RABEPK: variants seen among roughly 807,000 people sequenced by gnomAD.
RABEPK encodes the protein 40 kDa Rab9 effector protein.
A neutral mutation model predicts 34.1 loss-of-function variants in RABEPK; 27 were observed. The ratio of observed to expected loss-of-function variants is 0.79; its 90% CI spans 0.58 to 1.09. RABEPK has a LOEUF of 1.09. Ranked by LOEUF, RABEPK falls within the 50% of genes least tolerant of loss-of-function variation. The pLI, the probability that RABEPK is intolerant of heterozygous loss-of-function variation, is 0.00. For synonymous variants in RABEPK, 172 were observed against 169.2 expected, an observed-to-expected ratio of 1.02 and a Z score of -0.13; for missense variants, 449 against 462.6, an observed-to-expected ratio of 0.97 and a Z score of 0.27.
intron 5 of RABEPK, among the ~76,000 whole-genome samples, chr9:125,227,299 A>G (rs973687336): frequency 2.6e-5 from 4 of 152,328 alleles, no homozygotes; most frequent in Admixed American, 1.3e-4. Context: ...TTTGAAGCTA[A>G]AGAGGAGATC....
At chr9:125,203,937 C>T (rs546643099) in intron 2 of RABEPK, among the ~76,000 whole-genome samples, 5 of 148,918 alleles carry the variant, frequency 3.4e-5, no homozygotes, top group Non-Finnish European at 5.9e-5. Context: ...GAGGCTAAGA[C>T]AGGAGAATTG....
chr9:125,205,410 A>T (rs1421881148), intron 2 of RABEPK, among the ~76,000 whole-genome samples: 3 of 152,174 alleles, frequency 2.0e-5, no homozygotes, highest in African/African-American at 7.2e-5. Context: ...TGCTTTTGGT[A>T]AATTACTTAA....
At position 125,231,772 on chromosome 9, in the gene RABEPK, G is replaced by GA. The variant is rs574317982; in HGVS notation, c.677-815dup. The stretch of plus-strand genomic sequence containing the variant: ...GCACTCCAGGCTGGGCAACAGAGCG[G>GA]AAAAAAAAAGAATAAGAAAGGGGAT... On this transcript the variant is annotated intron_variant, in intron 6 of 7. Coordinates refer to ENST00000373538, the MANE Select transcript of RABEPK (RefSeq NM_005833.4). Among the ~76,000 whole-genome samples the GA allele has an allele frequency of 6.4e-4, 96 of 148,872 alleles. 1 individual carries two copies. In the South Asian group the frequency reaches 0.017, roughly 26 times the overall value.
chr9:125,201,780 A>AT (rs894110893), intron 1 of RABEPK, among the ~76,000 whole-genome samples: 10 of 151,170 alleles, frequency 6.6e-5, no homozygotes, highest in East Asian at 2.0e-4. Context: ...CGCCCAGCTA[A>AT]TTTTTTTTGT....
At chr9:125,203,309 C>T (rs1191841626) in intron 2 of RABEPK, among the ~76,000 whole-genome samples, 1 of 152,208 alleles carries the variant, frequency 6.6e-6, no homozygotes, top group African/African-American at 2.4e-5. Context: ...CACTGACCAT[C>T]TGGCATCCTC....
chr9:125,222,308 AC>A (rs537946701), intron 5 of RABEPK: 88 of 152,270 alleles, frequency 5.8e-4, no homozygotes, highest in African/African-American at 1.8e-3. Flanking sequence ...AAGAAAAAAA[AC>A]ATATGTATGT....
chr9:125,213,139 C>G (rs762961916), intron 3 of RABEPK, among the ~76,000 whole-genome samples: 135 of 152,258 alleles, frequency 8.9e-4, no homozygotes, highest in Non-Finnish European at 1.5e-3. Flanking sequence ...GGGATCTATC[C>G]TTGTGGTTGA....
intron 4 of RABEPK, among the ~76,000 whole-genome samples, chr9:125,214,037 G>A (rs201612449): frequency 1.3e-5 from 2 of 152,048 alleles, no homozygotes; most frequent in East Asian, 3.9e-4. Flanking sequence ...CAGGAGAATC[G>A]CTTGAACCCG....
intron 2 of RABEPK, among the ~76,000 whole-genome samples, chr9:125,205,683 T>C (rs1458137791): frequency 6.6e-6 from 1 of 152,000 alleles, no homozygotes; most frequent in African/African-American, 2.4e-5. Context: ...AGAGACGGGG[T>C]TTCATCATGT....
chr9:125,225,953 ACT>A (rs1196168855), intron 5 of RABEPK, among the ~76,000 whole-genome samples: 1 of 143,482 alleles, frequency 7.0e-6, no homozygotes, highest in Admixed American at 7.3e-5. Context: ...ACAGAGGAAG[ACT>A]CTGTTTCAAA....
chr9:125,218,905 A>AT (rs1056042122), intron 4 of RABEPK, among the ~76,000 whole-genome samples: 4 of 151,590 alleles, frequency 2.6e-5, no homozygotes, highest in African/African-American at 9.7e-5. Flanking sequence ...TTTTTTTTGT[A>AT]TTTTTTTGTA....
At chr9:125,211,598 T>C (rs1830593960) in intron 3 of RABEPK, among the ~76,000 whole-genome samples, 1 of 152,194 alleles carries the variant, frequency 6.6e-6, no homozygotes, top group Non-Finnish European at 1.5e-5. Context: ...AGCTGCCACC[T>C]ATCAAGAGGG....
intron 3 of RABEPK, 114 bp from the exon 4 acceptor site, chr9:125,213,256 A>T (rs888127126): frequency 3.1e-5 from 34 of 1,086,532 alleles, no homozygotes; most frequent in African/African-American, 4.8e-5. Context: ...CCTTTAAGTG[A>T]TTCAGTGGTT....
At chr9:125,228,882 G>T (rs1191766631) in intron 6 of RABEPK, among the ~76,000 whole-genome samples, 1 of 151,600 alleles carries the variant, frequency 6.6e-6, no homozygotes, top group Non-Finnish European at 1.5e-5. Context: ...AGAATTGCTT[G>T]AACCCGGGAG....
intron 6 of RABEPK, among the ~76,000 whole-genome samples, chr9:125,230,211 G>A (rs569449860): frequency 3.2e-4 from 49 of 152,188 alleles, no homozygotes; most frequent in African/African-American, 5.8e-4. Context: ...GGATCCACCC[G>A]CCTTGGCCTC....
rs71374234 is a variant in RABEPK at position 125,218,321 on chromosome 9, C to CAAAAA, written c.365-2195_365-2191dup. 4.4e-3 allele frequency among the ~76,000 whole-genome samples: 183 copies of CAAAAA among 41,144 alleles called. 29 individuals carry two copies. The highest frequency in any genetic ancestry group is 0.012 in the South Asian group (10 of 812). The allele number at this position is 41,144 out of a possible 152,430, so 27.0% of individuals were successfully genotyped here. A position where few individuals can be genotyped will look rare whatever the true frequency, so the allele number is the denominator to read the frequency against. On this transcript the variant is annotated intron_variant, in intron 4 of 7. Transcript: ENST00000373538. ...TGGGAGCCACAGCGAGACTCCGTCT[C>CAAAAA]AAAAAAAAAAAAAAAAAAAAAAAAA...
Position 125,234,101 on chromosome 9 carries a change from GTGA to G in RABEPK, c.*122_*124del. On this transcript the variant is annotated 3_prime_UTR_variant, in exon 8 of 8. Coordinates refer to ENST00000373538, the MANE Select transcript of RABEPK (RefSeq NM_005833.4). ...ATCTGTTTTTCTCCTACTTTGGTAG[GTGA>G]AGAAACTAATGCAAATAATTCTTAT... 9.5e-7 allele frequency: 1 copy of G among 1,048,888 alleles called. No individual in the cohort carries two copies. Among genetic ancestry groups the G allele is most frequent in the South Asian group, 1.6e-5 (1 of 64,190 alleles). The allele number at this position is 1,048,888 out of a possible 1,614,324, so 65.0% of individuals were successfully genotyped here.
At chr9:125,215,326 TC>T (rs1481619653) in intron 4 of RABEPK, among the ~76,000 whole-genome samples, 1 of 151,800 alleles carries the variant, frequency 6.6e-6, no homozygotes, top group Non-Finnish European at 1.5e-5. Flanking sequence ...TTTTTTTTTT[TC>T]GAGGCAGGGT....
chr9:125,232,217 TACAC>T (rs34676967), intron 6 of RABEPK, among the ~76,000 whole-genome samples: 2,045 of 118,120 alleles, frequency 0.017, 99 homozygotes, highest in Admixed American at 0.11. Context: ...GTATTTAAAG[TACAC>T]ACACACACAC....
Sources: allele counts gnomAD v4.1 joint callset (sites outside exome capture counted in the v4.1 genomes callset), GRCh38; gene constraint gnomAD v4.1.1; transcripts MANE v1.5; gene names NCBI Gene and HGNC (gene_info 2026-07-23, HGNC 2026-07-21).